NBEA: variants seen among roughly 807,000 people sequenced by gnomAD.
The protein encoded by NBEA is neurobeachin.
NBEA carries 44 observed loss-of-function variants against 343.4 expected under a neutral mutation model. The ratio of observed to expected loss-of-function variants is 0.13; its 90% CI spans 0.10 to 0.16. NBEA has a LOEUF of 0.16. Among genes scored for constraint, NBEA ranks in the 10% least tolerant of loss-of-function variants. The pLI is 1.00. For missense variants in NBEA, 2,555 were observed against 3,631.3 expected, an observed-to-expected ratio of 0.70 and a Z score of 7.62; for synonymous variants, 1,175 against 1,238.7, an observed-to-expected ratio of 0.95 and a Z score of 1.08.
intron 24 of NBEA, chr13:35,165,059 A>G (rs2069883636): frequency 1.9e-6 from 1 of 533,596 alleles, no homozygotes; most frequent in African/African-American, 1.9e-5. Flanking sequence ...CTCAGATGGG[A>G]AAGAATATAG....
chr13:35,155,729 A>C (rs752337358), intron 18 of NBEA, 45 bp from the exon 19 acceptor site: 76 of 1,448,670 alleles, frequency 5.2e-5, no homozygotes, highest in Non-Finnish European at 6.7e-5. Context: ...TGCAATTATT[A>C]TTTAAATTGT....
At chr13:35,297,441 A>T (rs1566582135) in intron 35 of NBEA, among the ~76,000 whole-genome samples, 1 of 151,988 alleles carries the variant, frequency 6.6e-6, no homozygotes, top group African/African-American at 2.4e-5. Flanking sequence ...CATTTCTAGT[A>T]TTTCCTTTCT....
chr13:35,044,829 T>TAGAGAG (rs372735958), intron 2 of NBEA, 118 bp from the exon 3 acceptor site: 7 of 382,134 alleles, frequency 1.8e-5, no homozygotes, highest in African/African-American at 4.4e-5. Flanking sequence ...TATATATATA[T>TAGAGAG]AGAGAGAGAG....
chr13:35,204,549 A>G (rs745672305), intron 31 of NBEA, among the ~76,000 whole-genome samples: 2 of 152,068 alleles, frequency 1.3e-5, no homozygotes, highest in Non-Finnish European at 2.9e-5. Flanking sequence ...GGTCCCTCCC[A>G]CAACATGTGG....
intron 46 of NBEA, among the ~76,000 whole-genome samples, chr13:35,588,395 T>C (rs189902285): frequency 1.3e-5 from 2 of 152,152 alleles, no homozygotes; most frequent in Admixed American, 1.3e-4. Context: ...TCACTAAGAA[T>C]TTGTTCACAA....
chr13:35,578,885 A>G (rs1239118304), intron 45 of NBEA, among the ~76,000 whole-genome samples: 2 of 151,966 alleles, frequency 1.3e-5, no homozygotes, highest in Non-Finnish European at 2.9e-5. Context: ...AAATTATTTC[A>G]TTTCATATAC....
chr13:35,289,306 T>C (rs1467135203), intron 34 of NBEA, among the ~76,000 whole-genome samples: 1 of 151,864 alleles, frequency 6.6e-6, no homozygotes, highest in African/African-American at 2.4e-5. Context: ...TTCTAAAAAC[T>C]ATGAATGTTC....
chr13:35,591,157 T>G (rs2081520237), intron 46 of NBEA, among the ~76,000 whole-genome samples: 1 of 152,100 alleles, frequency 6.6e-6, no homozygotes, highest in African/African-American at 2.4e-5. Context: ...ATTCCCAGTT[T>G]ACATAGATGA....
chr13:35,044,976 G>A lies in NBEA; in HGVS notation c.556G>A (p.Ala186Thr). 6.2e-7 allele frequency: 1 copy of A among 1,611,344 alleles called. No individual in the cohort carries two copies. Among genetic ancestry groups the A allele is most frequent in the Non-Finnish European group, 8.5e-7 (1 of 1,178,618 alleles). The change falls in exon 3 of 59, where the codon GCC (alanine) becomes ACC (threonine). Residue 186 changes from alanine to threonine, a missense_variant. Ala to Thr is a moderately conservative substitution (Grantham distance 58). Around this residue, in one of 21 missense-constraint regions of NBEA, gnomAD observed 185 missense variants for 290.6 expected, o/e 0.64. Transcript: ENST00000379939. ...TCTAGTTGATATGTTGGGGGTTCTT[G>A]CCAGCTACAGCATCACTGTCAAGGA... is the stretch of plus-strand genomic sequence containing the variant. ...DLLVDMLGVL[A>T]SYSITVKELK...
intron 1 of NBEA, among the ~76,000 whole-genome samples, chr13:34,956,821 A>G (rs1035735871): frequency 7.9e-5 from 12 of 152,064 alleles, no homozygotes; most frequent in Non-Finnish European, 1.3e-4. Context: ...GAATTTTTTC[A>G]TCTTCCCAAA....
chr13:35,036,453 T>A (rs1405151936), intron 1 of NBEA, among the ~76,000 whole-genome samples: 2 of 152,102 alleles, frequency 1.3e-5, no homozygotes. Flanking sequence ...AACAGTGTTA[T>A]AATATTCTGT....
At chr13:35,194,605 A>C (rs2072447918) in intron 30 of NBEA, among the ~76,000 whole-genome samples, 1 of 152,128 alleles carries the variant, frequency 6.6e-6, no homozygotes, top group Non-Finnish European at 1.5e-5. Flanking sequence ...TGAGAACTGC[A>C]GTGAATTTAC....
chr13:35,370,055 T>C (rs960189452), intron 38 of NBEA, among the ~76,000 whole-genome samples: 3 of 152,016 alleles, frequency 2.0e-5, no homozygotes, highest in African/African-American at 7.2e-5. Flanking sequence ...TGGTCTAAAA[T>C]ACAGTTTAAA....
chr13:35,195,317 G>A (rs1468944552), intron 30 of NBEA, among the ~76,000 whole-genome samples: 1 of 151,950 alleles, frequency 6.6e-6, no homozygotes, highest in Non-Finnish European at 1.5e-5. Context: ...GTTTTGAAAT[G>A]CCAGATGATT....
At chr13:34,983,193 C>T (rs1169952276) in intron 1 of NBEA, among the ~76,000 whole-genome samples, 2 of 152,066 alleles carry the variant, frequency 1.3e-5, no homozygotes, top group East Asian at 1.9e-4. Flanking sequence ...CACACCAGGC[C>T]CCAGGGTGTG....
At chr13:35,503,905 A>T (rs2076979383) in intron 41 of NBEA, among the ~76,000 whole-genome samples, 1 of 152,156 alleles carries the variant, frequency 6.6e-6, no homozygotes, top group Non-Finnish European at 1.5e-5. Context: ...TGACTTCAGT[A>T]TATTAAATGT....
At chr13:35,432,952 A>G (rs918227952) in intron 39 of NBEA, among the ~76,000 whole-genome samples, 8 of 151,952 alleles carry the variant, frequency 5.3e-5, no homozygotes, top group African/African-American at 1.7e-4. Context: ...AATCCCACCT[A>G]TTCCTTTCAG....
At chr13:35,435,420 T>C (rs1433550629) in intron 39 of NBEA, among the ~76,000 whole-genome samples, 1 of 152,130 alleles carries the variant, frequency 6.6e-6, no homozygotes, top group African/African-American at 2.4e-5. Context: ...GGAGGGTTGA[T>C]GGTACTTAGA....
At chr13:35,591,480 T>G (rs1278981114) in intron 46 of NBEA, among the ~76,000 whole-genome samples, 1 of 152,130 alleles carries the variant, frequency 6.6e-6, no homozygotes, top group Non-Finnish European at 1.5e-5. Flanking sequence ...CTTAAAATCC[T>G]AAACAGCAAT....
Sources: allele counts gnomAD v4.1 joint callset (sites outside exome capture counted in the v4.1 genomes callset), GRCh38; gene constraint gnomAD v4.1.1; regional missense constraint gnomAD v4.1.1; transcripts MANE v1.5; gene names NCBI Gene and HGNC (gene_info 2026-07-23, HGNC 2026-07-21).